Variants in RIMS4 observed in about 807,000 individuals in gnomAD.
RIMS4 encodes regulating synaptic membrane exocytosis protein 4.
A neutral mutation model predicts 29.0 loss-of-function variants in RIMS4; 9 were observed. The observed-to-expected ratio is 0.31, with a 90% confidence interval of 0.19 to 0.54. RIMS4 has a LOEUF of 0.54. RIMS4 is among the 20% of genes least tolerant of loss of function. RIMS4 has a pLI of 0.94. For synonymous variants in RIMS4, 130 were observed against 152.9 expected (o/e 0.85, Z 1.10); for missense variants, 193 against 365.7 (o/e 0.53, Z 3.85).
chr20:44,772,317 G>A lies in RIMS4; in HGVS notation c.98-904C>T, dbSNP rs754919716. Among the ~76,000 whole-genome samples, 239 of 152,182 alleles carry A rather than the reference G, an allele frequency of 1.6e-3. 1 individual carries two copies. The highest frequency in any genetic ancestry group is 2.6e-3 in the Non-Finnish European group (175 of 68,004). Reference sequence around the variant, plus strand: ...CTCCTAACACTTACCACCCAAATGCGTTAAACAATATTGGTGTTTTGGCCA... The same window carrying A: ...CTCCTAACACTTACCACCCAAATGCATTAAACAATATTGGTGTTTTGGCCA... On this transcript the variant is annotated intron_variant, in intron 1 of 5. Transcript: ENST00000372851.
At chr20:44,791,172 T>G (rs1175447785) in intron 1 of RIMS4, among the ~76,000 whole-genome samples, 1 of 152,262 alleles carries the variant, frequency 6.6e-6, no homozygotes, top group Non-Finnish European at 1.5e-5. Context: ...GTGTTGTGTG[T>G]GTGCACGCGC....
intron 1 of RIMS4, among the ~76,000 whole-genome samples, chr20:44,778,836 T>C (rs1434963620): frequency 6.6e-6 from 1 of 152,198 alleles, no homozygotes; most frequent in Admixed American, 6.5e-5. Context: ...CTATTAGTTG[T>C]GTGATTTTGA....
At chr20:44,805,342 C>G (rs1290795784) in intron 1 of RIMS4, among the ~76,000 whole-genome samples, 1 of 152,016 alleles carries the variant, frequency 6.6e-6, no homozygotes, top group Admixed American at 6.6e-5. Flanking sequence ...AAGTGGTTTG[C>G]GTCCACACTC....
chr20:44,763,024 C>T (rs574020159), intron 2 of RIMS4, among the ~76,000 whole-genome samples: 39 of 152,326 alleles, frequency 2.6e-4, no homozygotes, highest in African/African-American at 8.4e-4. Context: ...TTTCTGCTTA[C>T]GGCATCCATG....
intron 1 of RIMS4, among the ~76,000 whole-genome samples, chr20:44,806,934 T>C (rs955284402): frequency 6.6e-6 from 1 of 152,198 alleles, no homozygotes; most frequent in Non-Finnish European, 1.5e-5. Context: ...TGGGAATATG[T>C]CTCGCACAAA....
intron 1 of RIMS4, among the ~76,000 whole-genome samples, chr20:44,804,251 T>C (rs997899362): frequency 2.6e-5 from 4 of 152,230 alleles, no homozygotes; most frequent in African/African-American, 7.2e-5. Flanking sequence ...CCATCAATCA[T>C]TTTATTTTTA....
chr20:44,755,956 G>T lies in RIMS4; in HGVS notation c.*178C>A. On this transcript the variant is annotated 3_prime_UTR_variant, in exon 6 of 6. Transcript: ENST00000372851. ...CCCGTTGGGAGAGGGGAGGTCTCGG[G>T]GGTAGGAGGCAAAGAAGGGGTGAGG... is the stretch of plus-strand genomic sequence containing the variant. The T allele has an allele frequency of 1.7e-6, 1 of 580,434 alleles. No homozygotes were observed. The allele number at this position is 580,434 out of a possible 1,614,324, so 36.0% of individuals were successfully genotyped here.
chr20:44,796,101 C>A (rs553450479), intron 1 of RIMS4, among the ~76,000 whole-genome samples: 9 of 151,346 alleles, frequency 5.9e-5, no homozygotes, highest in Admixed American at 2.0e-4. Flanking sequence ...CCCTCCCCTG[C>A]CGTGCCTTCA....
At chr20:44,768,132 CACA>C (rs1396126905) in intron 2 of RIMS4, among the ~76,000 whole-genome samples, 2 of 152,200 alleles carry the variant, frequency 1.3e-5, no homozygotes, top group Non-Finnish European at 2.9e-5. Context: ...TTGCTGGGAA[CACA>C]ACATTTCCCA....
chr20:44,794,856 G>A (rs1265431191), intron 1 of RIMS4, among the ~76,000 whole-genome samples: 1 of 152,188 alleles, frequency 6.6e-6, no homozygotes, highest in Non-Finnish European at 1.5e-5. Context: ...ATAACCAAAG[G>A]GAGCCATCTC....
At chr20:44,770,514 G>A (rs2066132254) in intron 2 of RIMS4, among the ~76,000 whole-genome samples, 1 of 152,076 alleles carries the variant, frequency 6.6e-6, no homozygotes, top group African/African-American at 2.4e-5. Flanking sequence ...TTCTTAAAGG[G>A]GTCTGTGAAA....
At chr20:44,773,859 C>T (rs2066147897) in intron 1 of RIMS4, among the ~76,000 whole-genome samples, 1 of 152,186 alleles carries the variant, frequency 6.6e-6, no homozygotes, top group Non-Finnish European at 1.5e-5. Flanking sequence ...CGGCATCTTC[C>T]CACGGAGCTG....
At chr20:44,779,453 G>T (rs2066174285) in intron 1 of RIMS4, among the ~76,000 whole-genome samples, 2 of 152,230 alleles carry the variant, frequency 1.3e-5, no homozygotes, top group Non-Finnish European at 2.9e-5. Flanking sequence ...AGCACAGACT[G>T]GTTTTGCTTA....
rs1248261540 is a variant in RIMS4 at position 44,753,034 on chromosome 20, C to T, written c.*3100G>A. 6.5e-6 allele frequency: 1 copy of T among 152,862 alleles called. No homozygotes were observed. Among genetic ancestry groups the T allele is most frequent in the Non-Finnish European group, 1.5e-5 (1 of 68,180 alleles). The allele number at this position is 152,862 out of a possible 1,614,324, so 9.5% of individuals were successfully genotyped here. A position where few individuals can be genotyped will look rare whatever the true frequency, so the allele number is the denominator to read the frequency against. On this transcript the variant is annotated 3_prime_UTR_variant, in exon 6 of 6. Coordinates refer to ENST00000372851, the MANE Select transcript of RIMS4 (RefSeq NM_182970.4). ...GCTTCGAGGCCAGGAATCCTTGTCC[C>T]AGCAGACATGCACTGGAGCAACGGT...
In RIMS4 at chr20:44,755,931, C is replaced by A. The variant is rs2066057598; in HGVS notation, c.*203G>T. 1.8e-6 allele frequency: 1 copy of A among 553,408 alleles called. No individual in the cohort carries two copies. The highest frequency in any genetic ancestry group is 3.2e-6 in the Non-Finnish European group (1 of 309,814). The allele number at this position is 553,408 out of a possible 1,614,324, so 34.3% of individuals were successfully genotyped here. Reference sequence around the variant, plus strand: ...CGGCCAAGTCAAAAGTGTAGCCAATCCCGTTGGGAGAGGGGAGGTCTCGGG... The same window carrying A: ...CGGCCAAGTCAAAAGTGTAGCCAATACCGTTGGGAGAGGGGAGGTCTCGGG... On this transcript the variant is annotated 3_prime_UTR_variant, in exon 6 of 6. Transcript: ENST00000372851.
chr20:44,787,542 C>A (rs767973195), intron 1 of RIMS4, among the ~76,000 whole-genome samples: 39 of 152,224 alleles, frequency 2.6e-4, no homozygotes, highest in Non-Finnish European at 5.0e-4. Flanking sequence ...CGCCTGGAGC[C>A]AAAGTCCACT....
chr20:44,783,131 A>G (rs926834074), intron 1 of RIMS4, among the ~76,000 whole-genome samples: 9 of 152,216 alleles, frequency 5.9e-5, no homozygotes, highest in African/African-American at 1.9e-4. Context: ...CAGTTTGCCC[A>G]AGGTCCCACA....
chr20:44,764,184 A>G (rs139689459), intron 2 of RIMS4, among the ~76,000 whole-genome samples: 5 of 12,124 alleles, frequency 4.1e-4, no homozygotes, highest in South Asian at 2.9e-3. Flanking sequence ...CCATCCATCC[A>G]TCCATTTATC....
chr20:44,782,737 T>C (rs1247502475), intron 1 of RIMS4, among the ~76,000 whole-genome samples: 1 of 152,204 alleles, frequency 6.6e-6, no homozygotes, highest in Non-Finnish European at 1.5e-5. Context: ...TTTCTCTATG[T>C]GTATTTCAAA....
Sources: allele counts gnomAD v4.1 joint callset (sites outside exome capture counted in the v4.1 genomes callset), GRCh38; gene constraint gnomAD v4.1.1; transcripts MANE v1.5; gene names NCBI Gene and HGNC (gene_info 2026-07-23, HGNC 2026-07-21).